The following TMEM132D variants were observed in gnomAD, a reference collection of about 807,000 sequenced individuals.
TMEM132D encodes the protein transmembrane protein 132D.
Under a neutral mutation model 62.3 loss-of-function variants are expected in TMEM132D, and 21 were observed. That is an observed-to-expected ratio of 0.34 (90% CI 0.24 to 0.49). TMEM132D has a LOEUF of 0.49. TMEM132D is among the 20% of genes least tolerant of loss of function. TMEM132D has a pLI of 0.99. For missense variants in TMEM132D, 1,346 were observed against 1,402.8 expected, an observed-to-expected ratio of 0.96 and a Z score of 0.65; for synonymous variants, 621 against 575.6, an observed-to-expected ratio of 1.08 and a Z score of -1.13.
chr12:129,128,501 A>G (rs1876281080), intron 5 of TMEM132D, among the ~76,000 whole-genome samples: 1 of 152,130 alleles, frequency 6.6e-6, no homozygotes, highest in Non-Finnish European at 1.5e-5. Flanking sequence ...ACTCATTAAC[A>G]TGAAAACAGC....
chr12:129,420,039 A>C (rs1872254082), intron 3 of TMEM132D, among the ~76,000 whole-genome samples: 1 of 152,138 alleles, frequency 6.6e-6, no homozygotes, highest in South Asian at 2.1e-4. Context: ...TGGGTGAATC[A>C]GTTTCATCTT....
chr12:129,236,159 AGAG>A (rs1879777734), intron 4 of TMEM132D, among the ~76,000 whole-genome samples: 2 of 11,890 alleles, frequency 1.7e-4, no homozygotes, highest in African/African-American at 4.2e-4. Flanking sequence ...TGTGTATGAG[AGAG>A]AGAGAGAGAG....
intron 3 of TMEM132D, among the ~76,000 whole-genome samples, chr12:129,499,061 T>C (rs1176756519): frequency 6.6e-6 from 1 of 152,176 alleles, no homozygotes; most frequent in Non-Finnish European, 1.5e-5. Flanking sequence ...TTGCCTATCA[T>C]GTGCTCTGTA....
At chr12:129,438,954 T>C (rs1209061563) in intron 3 of TMEM132D, among the ~76,000 whole-genome samples, 2 of 151,966 alleles carry the variant, frequency 1.3e-5, no homozygotes, top group African/African-American at 2.4e-5. Context: ...AGGTTTCTTA[T>C]TGCAATTCTC....
chr12:129,190,036 C>T (rs562953234), intron 5 of TMEM132D, among the ~76,000 whole-genome samples: 6 of 151,628 alleles, frequency 4.0e-5, no homozygotes, highest in East Asian at 1.9e-4. Context: ...ACACGGCTGG[C>T]GCTGAAGATG....
chr12:129,121,138 C>T (rs1267290151), intron 5 of TMEM132D, among the ~76,000 whole-genome samples: 1 of 151,952 alleles, frequency 6.6e-6, no homozygotes, highest in Non-Finnish European at 1.5e-5. Context: ...GTCTGTGGCC[C>T]AGGCTGGAGT....
chr12:129,313,822 C>T (rs1435371861), intron 4 of TMEM132D, among the ~76,000 whole-genome samples: 4 of 152,172 alleles, frequency 2.6e-5, no homozygotes, highest in Admixed American at 1.3e-4. Flanking sequence ...TTTACATTCC[C>T]ATTAGCGGTG....
chr12:129,213,270 A>T (rs955762463), intron 4 of TMEM132D, among the ~76,000 whole-genome samples: 4 of 152,210 alleles, frequency 2.6e-5, no homozygotes, highest in Non-Finnish European at 5.9e-5. Flanking sequence ...AGGCAGGTGG[A>T]TCACTTGAAC....
chr12:129,538,142 G>A (rs1177905203), intron 2 of TMEM132D, among the ~76,000 whole-genome samples: 1 of 152,172 alleles, frequency 6.6e-6, no homozygotes, highest in Middle Eastern at 3.2e-3. Context: ...AATATCTTCA[G>A]AATGAATGAA....
intron 1 of TMEM132D, among the ~76,000 whole-genome samples, chr12:129,796,665 G>A (rs1871570515): frequency 6.6e-6 from 1 of 152,108 alleles, no homozygotes; most frequent in Non-Finnish European, 1.5e-5. Context: ...CACTCATAAG[G>A]GGGAGTTCAA....
intron 3 of TMEM132D, among the ~76,000 whole-genome samples, chr12:129,490,507 C>A (rs557455400): frequency 7.1e-6 from 1 of 140,108 alleles, no homozygotes; most frequent in Non-Finnish European, 1.5e-5. Context: ...CGGCTCACTG[C>A]AAGCTCCGCC....
At chr12:129,596,443 T>C (rs970589156) in intron 2 of TMEM132D, among the ~76,000 whole-genome samples, 89 of 152,310 alleles carry the variant, frequency 5.8e-4, no homozygotes, top group African/African-American at 2.1e-3. Context: ...ATTTTTTATA[T>C]ACAGTTGTCC....
chr12:129,517,527 C>T (rs1875717986), intron 3 of TMEM132D, among the ~76,000 whole-genome samples: 2 of 152,140 alleles, frequency 1.3e-5, no homozygotes, highest in South Asian at 4.1e-4. Flanking sequence ...CATTAGCTGC[C>T]TGCTGTTCCT....
At chr12:129,812,918 T>C (rs184782869) in intron 1 of TMEM132D, among the ~76,000 whole-genome samples, 53 of 151,908 alleles carry the variant, frequency 3.5e-4, no homozygotes, top group African/African-American at 1.2e-3. Context: ...AACCCCAGAT[T>C]TGTAAATTCA....
chr12:129,441,934 G>A (rs1872947966), intron 3 of TMEM132D, among the ~76,000 whole-genome samples: 1 of 152,216 alleles, frequency 6.6e-6, no homozygotes, highest in South Asian at 2.1e-4. Context: ...CGGTGCACTG[G>A]GTACTCATGG....
At chr12:129,684,060 C>A (rs1369758351) in intron 2 of TMEM132D, among the ~76,000 whole-genome samples, 1 of 152,134 alleles carries the variant, frequency 6.6e-6, no homozygotes, top group East Asian at 1.9e-4. Context: ...CCAAAGAAGA[C>A]CATGAAGAAC....
intron 3 of TMEM132D, among the ~76,000 whole-genome samples, chr12:129,382,018 C>A (rs1036990257): frequency 1.3e-5 from 2 of 152,218 alleles, no homozygotes; most frequent in Non-Finnish European, 2.9e-5. Flanking sequence ...AATTGTAGAT[C>A]ATCAATTCTC....
Position 129,869,724 on chromosome 12 carries a change from C to A in TMEM132D, c.79+33537G>T, listed in dbSNP as rs1391978922. 2.6e-5 allele frequency among the ~76,000 whole-genome samples: 4 copies of A among 152,068 alleles called. No individual in the cohort carries two copies. In the East Asian group the frequency reaches 5.8e-4, roughly 22 times the overall value. On this transcript the variant is annotated intron_variant, in intron 1 of 8. Transcript: ENST00000422113. Reference sequence around the variant, plus strand: ...GAGTTAGGAGCAATTATCTTGATGGCGCTTCTTGAACTCTGCAGTATCAAG... The same window carrying A: ...GAGTTAGGAGCAATTATCTTGATGGAGCTTCTTGAACTCTGCAGTATCAAG...
intron 1 of TMEM132D, among the ~76,000 whole-genome samples, chr12:129,868,950 C>T (rs1566014290): frequency 6.6e-6 from 1 of 152,132 alleles, no homozygotes; most frequent in Non-Finnish European, 1.5e-5. Context: ...CAGCCGCAGA[C>T]CTCCAAGAAT....
Sources: gnomAD v4.1 joint callset for allele counts (sites outside exome capture counted in the v4.1 genomes callset) on GRCh38, gnomAD v4.1.1 for gene constraint, MANE v1.5 for transcripts, NCBI Gene and HGNC (gene_info 2026-07-23, HGNC 2026-07-21) for gene names.